The following TRAF3 variants were observed in gnomAD, a reference collection of about 807,000 sequenced individuals.
TRAF3 encodes TNF receptor associated factor 3.
In TRAF3, 13 loss-of-function variants were observed where a neutral mutation model predicts 62.3. That is an observed-to-expected ratio of 0.21 (90% CI 0.14 to 0.33). The LOEUF (loss-of-function observed/expected upper bound fraction) is 0.33. Ranked by LOEUF, TRAF3 falls within the 10% of genes least tolerant of loss-of-function variation. The probability of loss-of-function intolerance (pLI) is 1.00; values close to 1 mark genes in which losing one functional copy is unlikely to be tolerated. For missense variants in TRAF3, 440 were observed against 741.8 expected, an observed-to-expected ratio of 0.59 and a Z score of 4.73; for synonymous variants, 269 against 283.4, an observed-to-expected ratio of 0.95 and a Z score of 0.51.
intron 6 of TRAF3, among the ~76,000 whole-genome samples, chr14:102,884,568 G>A (rs924810178): frequency 2.0e-5 from 3 of 152,152 alleles, no homozygotes; most frequent in African/African-American, 7.2e-5. Flanking sequence ...CCAGCACTTT[G>A]GGAGGCCGAG....
chr14:102,897,481 C>G (rs2139975256), intron 10 of TRAF3, 80 bp downstream of exon 10: 1 of 1,568,158 alleles, frequency 6.4e-7, no homozygotes. Context: ...TTAGCAAACT[C>G]TTTGAGCTGA....
chr14:102,802,457 T>TTG (rs1898502116), intron 1 of TRAF3, among the ~76,000 whole-genome samples: 1 of 144,120 alleles, frequency 6.9e-6, no homozygotes, highest in African/African-American at 2.5e-5. Context: ...CCCAGCCAAC[T>TTG]GTTTAAAGAC....
intron 1 of TRAF3, among the ~76,000 whole-genome samples, chr14:102,800,934 T>C (rs1443521283): frequency 2.7e-5 from 4 of 150,654 alleles, no homozygotes; most frequent in African/African-American, 9.7e-5. Context: ...ATCCCAGCAC[T>C]TTGGGAGGCC....
At chr14:102,840,983 T>C (rs1412107972) in intron 2 of TRAF3, among the ~76,000 whole-genome samples, 3 of 152,244 alleles carry the variant, frequency 2.0e-5, no homozygotes, top group Non-Finnish European at 4.4e-5. Context: ...GGCCGGATGC[T>C]GTTAATGTCA....
intron 10 of TRAF3, among the ~76,000 whole-genome samples, chr14:102,902,086 C>A (rs1011323913): frequency 6.6e-6 from 1 of 152,270 alleles, no homozygotes; most frequent in African/African-American, 2.4e-5. Context: ...CAGCTCCCAC[C>A]CCTCCAGGTA....
intron 1 of TRAF3, among the ~76,000 whole-genome samples, chr14:102,809,885 C>T (rs1187360098): frequency 1.3e-5 from 2 of 152,126 alleles, no homozygotes; most frequent in African/African-American, 2.4e-5. Context: ...AAAGGGAAAC[C>T]TCAGTTTGGC....
chr14:102,839,210 C>CCTTTTTTTTTTTTTTTT (rs1310697452), intron 2 of TRAF3, among the ~76,000 whole-genome samples: 1 of 89,836 alleles, frequency 1.1e-5, no homozygotes, highest in African/African-American at 4.4e-5. Flanking sequence ...GTTGATTTGC[C>CCTTTTTTTTTTTTTTTT]TTTTTTTTTT....
At chr14:102,811,757 G>GTT (rs1406104986) in intron 1 of TRAF3, among the ~76,000 whole-genome samples, 117 of 144,364 alleles carry the variant, frequency 8.1e-4, no homozygotes, top group African/African-American at 2.9e-3. Context: ...GTGTGTGTGT[G>GTT]TGTGTTTGTA....
At chr14:102,788,426 C>T (rs886103700) in intron 1 of TRAF3, among the ~76,000 whole-genome samples, 1 of 152,044 alleles carries the variant, frequency 6.6e-6, no homozygotes, top group Non-Finnish European at 1.5e-5. Flanking sequence ...TTTTGGGAGG[C>T]TGGGGTGGGA....
intron 4 of TRAF3, among the ~76,000 whole-genome samples, chr14:102,873,490 T>G (rs1297492657): frequency 6.6e-6 from 1 of 152,230 alleles, no homozygotes; most frequent in African/African-American, 2.4e-5. Flanking sequence ...TGCAGAATCA[T>G]TATCCCTATT....
At chr14:102,876,154 A>G (rs1006808773) in intron 5 of TRAF3, among the ~76,000 whole-genome samples, 3 of 152,240 alleles carry the variant, frequency 2.0e-5, no homozygotes, top group Non-Finnish European at 4.4e-5. Context: ...TAATTCTTCA[A>G]CAACAATATG....
At chr14:102,787,519 CAAA>C (rs775633084) in intron 1 of TRAF3, among the ~76,000 whole-genome samples, 11 of 112,804 alleles carry the variant, frequency 9.8e-5, no homozygotes, top group Admixed American at 1.8e-4. Context: ...TCTACTAAAC[CAAA>C]AAAAAAAAAA....
chr14:102,886,380 T>G, intron 7 of TRAF3, 111 bp downstream of exon 7: 1 of 938,226 alleles, frequency 1.1e-6, no homozygotes, highest in Non-Finnish European at 1.6e-6. Context: ...GTGAGAGTCA[T>G]GTGTATGGCA....
chr14:102,858,459 C>T (rs1887504524), intron 2 of TRAF3, among the ~76,000 whole-genome samples: 1 of 152,108 alleles, frequency 6.6e-6, no homozygotes, highest in Non-Finnish European at 1.5e-5. Context: ...GGCCTAAGAA[C>T]CTCTATTCTA....
At chr14:102,866,894 A>C (rs886364699) in intron 2 of TRAF3, among the ~76,000 whole-genome samples, 1 of 123,498 alleles carries the variant, frequency 8.1e-6, no homozygotes, top group Non-Finnish European at 1.7e-5. Context: ...CACACACACA[A>C]AACAATGACA....
rs761996879 is a variant in TRAF3, at chr14:102,886,257, C to A, written c.639C>A (p.Leu213=). The change falls in exon 7 of 12, where the codon CTC becomes CTA. Residue 213 remains leucine, a synonymous_variant. Coordinates refer to ENST00000392745, the MANE Select transcript of TRAF3 (RefSeq NM_145725.3). ...SCPHKCSVQT[L]LRSELSAHLS... ...CTCACAAGTGCAGCGTCCAGACTCT[C>A]CTGAGGAGCGAGGTAGGGGCGGCCG... 4 of 1,611,700 alleles carry A rather than the reference C, an allele frequency of 2.5e-6. No individual in the cohort carries two copies. The highest frequency in any genetic ancestry group is 2.2e-5 in the East Asian group (1 of 44,852).
chr14:102,849,774 T>C (rs1486420338), intron 2 of TRAF3, among the ~76,000 whole-genome samples: 5 of 152,246 alleles, frequency 3.3e-5, no homozygotes. Context: ...AGAGTCAGTA[T>C]GCTGAAATGT....
At chr14:102,881,131 C>T (rs1889031816) in intron 6 of TRAF3, among the ~76,000 whole-genome samples, 1 of 152,066 alleles carries the variant, frequency 6.6e-6, no homozygotes, top group African/African-American at 2.4e-5. Flanking sequence ...ACCTCTAATC[C>T]CAGCACTTTT....
At position 102,830,333 on chromosome 14, in the gene TRAF3, G is replaced by C. The variant is rs1900600461; in HGVS notation, c.-156-1G>C. Reference sequence around the variant, plus strand: ...TCTAATCCAATCCCTTTATTTTACAGATGAGGAAAATGAGGCCCAAAGAAG... The same window carrying C: ...TCTAATCCAATCCCTTTATTTTACACATGAGGAAAATGAGGCCCAAAGAAG... On this transcript the variant is annotated splice_acceptor_variant, in intron 1 of 11. Coordinates refer to ENST00000392745, the MANE Select transcript of TRAF3 (RefSeq NM_145725.3). LOFTEE classifies it low-confidence loss of function (5UTR_SPLICE). 1 of 152,390 alleles carries C rather than the reference G, an allele frequency of 6.6e-6. No homozygotes were observed. Among genetic ancestry groups the C allele is most frequent in the Non-Finnish European group, 1.5e-5 (1 of 68,238 alleles). 9.4% of individuals were successfully genotyped at this position (152,390 alleles called of 1,614,324 possible). A position where few individuals can be genotyped will look rare whatever the true frequency, so the allele number is the denominator to read the frequency against.
Sources: allele counts gnomAD v4.1 joint callset (sites outside exome capture counted in the v4.1 genomes callset), GRCh38; gene constraint gnomAD v4.1.1; transcripts MANE v1.5; gene names NCBI Gene and HGNC (gene_info 2026-07-23, HGNC 2026-07-21).